Variants in MORN5 observed in about 807,000 individuals in gnomAD.
MORN5 encodes MORN repeat-containing protein 5.
In MORN5, 21 loss-of-function variants were observed where a neutral mutation model predicts 22.1. The ratio of observed to expected loss-of-function variants is 0.95; its 90% CI spans 0.67 to 1.37. The LOEUF (loss-of-function observed/expected upper bound fraction) is 1.37, where lower values mean the gene tolerates loss of function less well. Among genes scored for constraint, MORN5 ranks in the 40% most tolerant of loss-of-function variants. The pLI is 0.00. For synonymous variants in MORN5, 73 were observed against 74.0 expected (o/e 0.99, Z 0.07); for missense variants, 211 against 215.1 (o/e 0.98, Z 0.12).
chr9:122,179,462 C>T (rs969130644), intron 4 of MORN5, among the ~76,000 whole-genome samples: 1 of 152,238 alleles, frequency 6.6e-6, no homozygotes, highest in African/African-American at 2.4e-5. Flanking sequence ...GGCATGGGCT[C>T]AGGGTGATGG....
chr9:122,167,351 AC>A (rs1829302043), intron 2 of MORN5, among the ~76,000 whole-genome samples: 1 of 85,110 alleles, frequency 1.2e-5, no homozygotes, highest in Admixed American at 1.2e-4. Flanking sequence ...ACCGCACCTG[AC>A]CTTTTTTTTT....
At chr9:122,168,303 G>A (rs1434609294) in intron 2 of MORN5, among the ~76,000 whole-genome samples, 1 of 152,140 alleles carries the variant, frequency 6.6e-6, no homozygotes, top group Non-Finnish European at 1.5e-5. Context: ...CTAATCCAAG[G>A]ATTCTTACCC....
intron 4 of MORN5, among the ~76,000 whole-genome samples, chr9:122,194,085 C>T (rs775912297): frequency 6.6e-6 from 1 of 152,110 alleles, no homozygotes; most frequent in Non-Finnish European, 1.5e-5. Flanking sequence ...CAGGTGGCAG[C>T]GAGGTCACTT....
In MORN5 at chr9:122,188,669, G is replaced by A. The variant is rs79876931; in HGVS notation, c.440-11216G>A. On this transcript the variant is annotated intron_variant, in intron 4 of 4. Transcript: ENST00000373764. ...TGAACTGCCTTAGGACAGCAGCTAG[G>A]CATCATGAACATGTTTAGTGAACAT... is the stretch of plus-strand genomic sequence containing the variant. Among the ~76,000 whole-genome samples, 43 of 152,278 alleles carry A rather than the reference G, an allele frequency of 2.8e-4. 2 individuals carry two copies. The East Asian group carries it at 8.3e-3, about 29-fold the overall frequency.
chr9:122,195,020 C>CAA (rs34845051), intron 4 of MORN5, among the ~76,000 whole-genome samples: 1,156 of 111,988 alleles, frequency 0.01, 4 homozygotes, highest in Non-Finnish European at 0.018. Flanking sequence ...AACTCCATCT[C>CAA]AAAAAAAAAA....
intron 4 of MORN5, chr9:122,175,297 G>A (rs1829433944): frequency 4.8e-6 from 1 of 208,000 alleles, no homozygotes; most frequent in Non-Finnish European, 8.4e-6. Flanking sequence ...ACGGCCTAGA[G>A]GGGAGTGATC....
chr9:122,166,280 T>TTATATATATATATATA (rs145965768), intron 1 of MORN5, among the ~76,000 whole-genome samples: 77 of 149,742 alleles, frequency 5.1e-4, no homozygotes, highest in African/African-American at 1.7e-3. Context: ...GTATCCAAGA[T>TTATATATATATATATA]TATATATATA....
At chr9:122,189,842 G>A (rs914581213) in intron 4 of MORN5, among the ~76,000 whole-genome samples, 1 of 152,040 alleles carries the variant, frequency 6.6e-6, no homozygotes, top group African/African-American at 2.4e-5. Context: ...TCCTGACCTC[G>A]TGATCTGCCT....
chr9:122,160,929 T>C (rs2118731043), intron 1 of MORN5, among the ~76,000 whole-genome samples: 1 of 152,320 alleles, frequency 6.6e-6, no homozygotes, highest in East Asian at 1.9e-4. Context: ...GCCCTGTAAT[T>C]GACTCTGGGC....
At position 122,170,734 on chromosome 9, in the gene MORN5, G is replaced by A. The variant is rs144565114; in HGVS notation, c.307+978G>A. Among the ~76,000 whole-genome samples, 10 of 152,270 alleles carry A rather than the reference G, an allele frequency of 6.6e-5. No individual in the cohort carries two copies. The East Asian group carries it at 9.7e-4, about 15-fold the overall frequency. On this transcript the variant is annotated intron_variant, in intron 3 of 4. Coordinates refer to ENST00000373764, the MANE Select transcript of MORN5 (RefSeq NM_198469.4). The stretch of plus-strand genomic sequence containing the variant: ...ATCATGCTACCTCCCTGCAAAAACC[G>A]TGTCTCATCATGGAGGGCTACATTT...
intron 1 of MORN5, among the ~76,000 whole-genome samples, chr9:122,160,864 G>T (rs1158871213): frequency 6.6e-6 from 1 of 152,150 alleles, no homozygotes; most frequent in Non-Finnish European, 1.5e-5. Context: ...TGATCCTCTT[G>T]CATGAGCCAC....
intron 4 of MORN5, among the ~76,000 whole-genome samples, chr9:122,178,146 G>A (rs1287183097): frequency 6.6e-6 from 1 of 152,186 alleles, no homozygotes; most frequent in Non-Finnish European, 1.5e-5. Flanking sequence ...GATCTCTTGA[G>A]CCCAGGAGTT....
intron 1 of MORN5, among the ~76,000 whole-genome samples, chr9:122,160,817 A>C (rs1445397104): frequency 6.6e-6 from 1 of 152,058 alleles, no homozygotes; most frequent in Non-Finnish European, 1.5e-5. Context: ...GCATCTTGCT[A>C]TGTTGTCCAA....
chr9:122,184,408 T>C (rs1472206119), intron 4 of MORN5, among the ~76,000 whole-genome samples: 2 of 152,248 alleles, frequency 1.3e-5, no homozygotes, highest in Non-Finnish European at 2.9e-5. Flanking sequence ...AGATCACTTT[T>C]GTCTTCTAAA....
intron 1 of MORN5, among the ~76,000 whole-genome samples, chr9:122,161,286 G>T (rs1829194652): frequency 1.3e-5 from 2 of 152,206 alleles, no homozygotes; most frequent in Admixed American, 1.3e-4. Context: ...ATAGGAGATA[G>T]ATTCCTAGAG....
At chr9:122,174,347 G>C in intron 3 of MORN5, 149 bp from the exon 4 acceptor site, 1 of 826,296 alleles carries the variant, frequency 1.2e-6, no homozygotes, top group South Asian at 1.8e-5. Context: ...TTTCTGCTGG[G>C]TTTGCTTCTT....
intron 4 of MORN5, among the ~76,000 whole-genome samples, chr9:122,196,130 T>G (rs1042686109): frequency 2.0e-5 from 3 of 151,926 alleles, no homozygotes; most frequent in Admixed American, 6.6e-5. Context: ...AGCTAATTTT[T>G]CTATTTTTTG....
intron 4 of MORN5, among the ~76,000 whole-genome samples, chr9:122,180,621 G>C (rs534743590): frequency 1.4e-4 from 22 of 152,216 alleles, no homozygotes; most frequent in African/African-American, 5.1e-4. Context: ...TTAAGATGCT[G>C]GTTGCTAGGC....
rs752526186 is a variant in MORN5 at position 122,174,520 on chromosome 9, ACC to A, written c.334_335del (p.Pro112ThrfsTer2). The A allele has an allele frequency of 1.2e-6, 2 of 1,614,058 alleles. No homozygotes were observed. The highest frequency in any genetic ancestry group is 2.2e-5 in the South Asian group (2 of 91,064). ...GGTATGGCTCAACTCACCAATATGGACCCACCTAGAAAAATCCCCAAGGGCTA... is the reference window on the plus strand; with the variant it reads ...GGTATGGCTCAACTCACCAATATGGACACCTAGAAAAATCCCCAAGGGCTA... On this transcript the variant is annotated frameshift_variant, in exon 4 of 5. Transcript: ENST00000373764. LOFTEE classifies it high-confidence loss of function.
Sources: allele counts gnomAD v4.1 joint callset (sites outside exome capture counted in the v4.1 genomes callset), GRCh38; gene constraint gnomAD v4.1.1; transcripts MANE v1.5; gene names NCBI Gene and HGNC (gene_info 2026-07-23, HGNC 2026-07-21).